DLG2: variants seen among roughly 807,000 people sequenced by gnomAD.
The protein encoded by DLG2 is discs large MAGUK scaffold protein 2, also known as disks large homolog 2.
Under a neutral mutation model 132.5 loss-of-function variants are expected in DLG2, and 45 were observed. The ratio of observed to expected loss-of-function variants is 0.34; its 90% CI spans 0.27 to 0.44. The LOEUF (loss-of-function observed/expected upper bound fraction) is 0.44, where lower values mean the gene tolerates loss of function less well. Among genes scored for constraint, DLG2 ranks in the 20% least tolerant of loss-of-function variants. DLG2 has a pLI of 1.00. For synonymous variants in DLG2, 424 were observed against 419.6 expected, an observed-to-expected ratio of 1.01 and a Z score of -0.13; for missense variants, 1,045 against 1,196.9, an observed-to-expected ratio of 0.87 and a Z score of 1.87.
At chr11:84,522,971 A>G (rs964197649) in intron 7 of DLG2, among the ~76,000 whole-genome samples, 6 of 152,184 alleles carry the variant, frequency 3.9e-5, no homozygotes, top group Non-Finnish European at 8.8e-5. Flanking sequence ...ATTTGCTACA[A>G]TTTGAGCTAA....
At chr11:84,073,347 A>T (rs2096783362) in intron 10 of DLG2, among the ~76,000 whole-genome samples, 1 of 152,168 alleles carries the variant, frequency 6.6e-6, no homozygotes, top group Non-Finnish European at 1.5e-5. Context: ...GCATTAAGAA[A>T]AAAAAAAAGA....
At chr11:84,905,375 T>C (rs2091385325) in intron 6 of DLG2, among the ~76,000 whole-genome samples, 1 of 152,220 alleles carries the variant, frequency 6.6e-6, no homozygotes, top group African/African-American at 2.4e-5. Context: ...GCTTTCTCTC[T>C]CTGCCATTAA....
chr11:84,414,251 C>T (rs914780320), intron 7 of DLG2, among the ~76,000 whole-genome samples: 6 of 152,136 alleles, frequency 3.9e-5, no homozygotes, highest in African/African-American at 1.4e-4. Context: ...CAAATGTTTA[C>T]TGTTATCATT....
At chr11:84,268,298 G>T in intron 7 of DLG2, among the ~76,000 whole-genome samples, 1 of 151,846 alleles carries the variant, frequency 6.6e-6, no homozygotes. Flanking sequence ...TCTTTTAATT[G>T]CTGCTCCTAA....
chr11:85,496,401 A>G (rs889004692), intron 3 of DLG2, among the ~76,000 whole-genome samples: 2 of 152,302 alleles, frequency 1.3e-5, no homozygotes, highest in African/African-American at 4.8e-5. Flanking sequence ...CTCACAATGT[A>G]ACAAAGTGGC....
intron 6 of DLG2, among the ~76,000 whole-genome samples, chr11:84,734,910 C>T (rs1023522636): frequency 6.6e-6 from 1 of 152,012 alleles, no homozygotes; most frequent in Non-Finnish European, 1.5e-5. Flanking sequence ...TGGTTTTTGT[C>T]TTTGGTTCTG....
At chr11:84,763,993 T>C (rs1459741247) in intron 6 of DLG2, among the ~76,000 whole-genome samples, 2 of 152,158 alleles carry the variant, frequency 1.3e-5, no homozygotes, top group African/African-American at 2.4e-5. Context: ...ATGCATTTAT[T>C]ATAAAATTTT....
intron 7 of DLG2, among the ~76,000 whole-genome samples, chr11:84,286,160 T>C (rs756746336): frequency 1.3e-5 from 2 of 152,218 alleles, no homozygotes; most frequent in Non-Finnish European, 2.9e-5. Context: ...CTCCTTTCTC[T>C]TCCAAGTTCT....
chr11:84,444,929 A>C (rs2099028885), intron 7 of DLG2, among the ~76,000 whole-genome samples: 1 of 151,944 alleles, frequency 6.6e-6, no homozygotes, highest in African/African-American at 2.4e-5. Flanking sequence ...CCGCCTCCCG[A>C]ATAGCTGGGA....
intron 7 of DLG2, among the ~76,000 whole-genome samples, chr11:84,428,011 A>G (rs1446492672): frequency 6.6e-6 from 1 of 152,176 alleles, no homozygotes; most frequent in Admixed American, 6.5e-5. Flanking sequence ...AGAGAAGAAA[A>G]GTATTTTGTG....
intron 16 of DLG2, among the ~76,000 whole-genome samples, chr11:83,846,941 C>CAAAAA (rs2058740920): frequency 1.0e-4 from 7 of 68,528 alleles, no homozygotes; most frequent in Non-Finnish European, 1.4e-4. Flanking sequence ...TCTCCCAAGC[C>CAAAAA]AAAAAAAAAA....
At chr11:85,099,266 C>T (rs1419011191) in intron 6 of DLG2, among the ~76,000 whole-genome samples, 2 of 152,098 alleles carry the variant, frequency 1.3e-5, no homozygotes, top group East Asian at 1.9e-4. Context: ...GCTTTCGCTG[C>T]GTGGACTACC....
At position 85,469,563 on chromosome 11, in the gene DLG2, T is replaced by A. The variant is rs911665208; in HGVS notation, c.40+129094A>T. ...GCATCCAACTGTAGTAATTATGTCA[T>A]GGCCAAAATTGATCTTCAGTCCTCT... On this transcript the variant is annotated intron_variant, in intron 3 of 27. Transcript: ENST00000376104. The A allele has an allele frequency of 3.3e-5, 5 of 152,240 alleles. No individual in the cohort carries two copies. The East Asian group carries it at 9.6e-4, about 29-fold the overall frequency. 9.4% of individuals were successfully genotyped at this position (152,240 alleles called of 1,614,324 possible).
At chr11:85,395,004 G>C (rs1439904791) in intron 3 of DLG2, among the ~76,000 whole-genome samples, 2 of 152,144 alleles carry the variant, frequency 1.3e-5, no homozygotes, top group African/African-American at 2.4e-5. Context: ...AGTAGTACCA[G>C]AGATCTACCT....
intron 7 of DLG2, among the ~76,000 whole-genome samples, chr11:84,349,614 C>T (rs1348427536): frequency 6.6e-6 from 1 of 152,150 alleles, no homozygotes; most frequent in Non-Finnish European, 1.5e-5. Context: ...GACCCATGTG[C>T]CATAGTGACT....
intron 6 of DLG2, among the ~76,000 whole-genome samples, chr11:84,829,816 T>G (rs2078796087): frequency 6.6e-6 from 1 of 151,678 alleles, no homozygotes; most frequent in Non-Finnish European, 1.5e-5. Flanking sequence ...GAAAAAGTGA[T>G]CACATTTTCT....
chr11:84,822,992 A>C (rs993815658), intron 6 of DLG2, among the ~76,000 whole-genome samples: 6 of 151,910 alleles, frequency 3.9e-5, no homozygotes, highest in Non-Finnish European at 5.9e-5. Context: ...CTCATCTGAA[A>C]ATAGCAGCAC....
intron 7 of DLG2, among the ~76,000 whole-genome samples, chr11:84,454,365 A>C (rs2154481994): frequency 6.6e-6 from 1 of 151,616 alleles, no homozygotes; most frequent in South Asian, 2.1e-4. Flanking sequence ...ACTTTCAAAA[A>C]TGTAAATGTA....
intron 6 of DLG2, among the ~76,000 whole-genome samples, chr11:85,013,339 C>A (rs193084296): frequency 6.6e-6 from 1 of 152,122 alleles, no homozygotes; most frequent in African/African-American, 2.4e-5. Flanking sequence ...TTTGGATCCT[C>A]AGATAACATT....
Sources: gnomAD v4.1 joint callset for allele counts (sites outside exome capture counted in the v4.1 genomes callset) on GRCh38, gnomAD v4.1.1 for gene constraint, MANE v1.5 for transcripts, NCBI Gene and HGNC (gene_info 2026-07-23, HGNC 2026-07-21) for gene names.